GALNT13: variants seen among roughly 807,000 people sequenced by gnomAD.
GALNT13 encodes UDP-GalNAc:polypeptide N-acetylgalactosaminyltransferase 13.
GALNT13 carries 28 observed loss-of-function variants against 64.2 expected under a neutral mutation model. The ratio of observed to expected loss-of-function variants is 0.44; its 90% CI spans 0.32 to 0.60. The LOEUF (loss-of-function observed/expected upper bound fraction) is 0.60, where lower values mean the gene tolerates loss of function less well. Ranked by LOEUF, GALNT13 falls within the 20% of genes least tolerant of loss-of-function variation. The probability of loss-of-function intolerance (pLI) is 0.05; values close to 1 mark genes in which losing one functional copy is unlikely to be tolerated. For synonymous variants in GALNT13, 214 were observed against 224.6 expected (o/e 0.95, Z 0.42); for missense variants, 577 against 669.8 (o/e 0.86, Z 1.53).
the GALNT13 span, among the ~76,000 whole-genome samples, chr2:153,775,555 TTTTCTATAAAC>T: frequency 1.3e-5 from 2 of 152,146 alleles, no homozygotes; most frequent in African/African-American, 4.8e-5. Flanking sequence ...ATGACTGAAA[TTTTCTATAAAC>T]TTTCTTAATT....
the GALNT13 span, among the ~76,000 whole-genome samples, chr2:153,740,474 A>AT: frequency 6.6e-6 from 1 of 152,112 alleles, no homozygotes; most frequent in Non-Finnish European, 1.5e-5. Context: ...AATTGCAAGC[A>AT]TATTTCCTAT....
the GALNT13 span, among the ~76,000 whole-genome samples, chr2:153,078,603 G>T: frequency 3.9e-5 from 6 of 151,978 alleles, no homozygotes; most frequent in East Asian, 1.2e-3. Flanking sequence ...GAGCCATCAC[G>T]CCTGGCCTCA....
intron 10 of GALNT13, 95 bp from the exon 11 acceptor site, chr2:154,408,889 C>T: frequency 1.4e-6 from 1 of 736,930 alleles, no homozygotes; most frequent in Middle Eastern, 2.4e-4. Context: ...TTGTATTATT[C>T]AGTTAACAAT....
At chr2:153,082,891 C>T in the GALNT13 span, among the ~76,000 whole-genome samples, 35 of 150,968 alleles carry the variant, frequency 2.3e-4, no homozygotes, top group African/African-American at 8.3e-4. Context: ...TGCAGTGGCA[C>T]AGTCTCGGCT....
At chr2:154,258,948 G>C in intron 7 of GALNT13, 73 bp from the exon 8 acceptor site, 1 of 758,184 alleles carries the variant, frequency 1.3e-6, no homozygotes, top group South Asian at 1.5e-5. Context: ...TCAAAAATAC[G>C]TGCTACAGTC....
At chr2:153,884,694 G>T (rs1033304547) in intron 1 of GALNT13, among the ~76,000 whole-genome samples, 4 of 149,736 alleles carry the variant, frequency 2.7e-5, no homozygotes, top group Admixed American at 2.0e-4. Flanking sequence ...TGAGGTGGGC[G>T]GATCATCTGA....
chr2:154,089,147 C>G (rs1244659222), intron 3 of GALNT13, among the ~76,000 whole-genome samples: 4 of 152,062 alleles, frequency 2.6e-5, no homozygotes, highest in African/African-American at 9.7e-5. Flanking sequence ...ACACTTTATT[C>G]CAAACAAGTG....
the GALNT13 span, among the ~76,000 whole-genome samples, chr2:153,166,139 C>T: frequency 6.6e-6 from 1 of 152,178 alleles, no homozygotes; most frequent in South Asian, 2.1e-4. Context: ...TACCCCACCA[C>T]CTGTGGCAGA....
chr2:154,300,132 C>T (rs1253796873), intron 8 of GALNT13, among the ~76,000 whole-genome samples: 92 of 105,584 alleles, frequency 8.7e-4, no homozygotes, highest in African/African-American at 3.2e-3. Flanking sequence ...TAGAGTTTCG[C>T]TTTTGTCACC....
At chr2:153,619,819 T>G in the GALNT13 span, among the ~76,000 whole-genome samples, 21 of 152,168 alleles carry the variant, frequency 1.4e-4, no homozygotes, top group South Asian at 4.1e-4. Context: ...CCAAACATTT[T>G]GGATCTCTAT....
chr2:154,265,002 G>T (rs540771457), intron 8 of GALNT13, among the ~76,000 whole-genome samples: 92 of 150,930 alleles, frequency 6.1e-4, no homozygotes, highest in African/African-American at 2.0e-3. Flanking sequence ...GAAAAGCAAT[G>T]AAACCAAAAT....
chr2:153,068,345 T>G, the GALNT13 span, among the ~76,000 whole-genome samples: 31 of 152,314 alleles, frequency 2.0e-4, no homozygotes, highest in Non-Finnish European at 3.7e-4. Context: ...TCTGCCTGCT[T>G]TCAGACCCAG....
chr2:154,072,930 G>T (rs1274029055), intron 3 of GALNT13, among the ~76,000 whole-genome samples: 5 of 151,988 alleles, frequency 3.3e-5, no homozygotes, highest in Non-Finnish European at 7.4e-5. Flanking sequence ...ATGACTTCAG[G>T]ATATTAATGT....
the GALNT13 span, among the ~76,000 whole-genome samples, chr2:153,800,485 T>C: frequency 6.6e-6 from 1 of 152,268 alleles, no homozygotes; most frequent in East Asian, 1.9e-4. Flanking sequence ...ATTGATGCTT[T>C]ATTTCATGAA....
chr2:153,762,772 G>C, the GALNT13 span: 1 of 151,082 alleles, frequency 6.6e-6, no homozygotes, highest in South Asian at 2.1e-4. Flanking sequence ...GTTCGGCCCG[G>C]TGAACTGAAG....
the GALNT13 span, among the ~76,000 whole-genome samples, chr2:153,436,986 T>C: frequency 1.5e-3 from 227 of 152,138 alleles, 7 homozygotes; most frequent in South Asian, 0.045. Context: ...TCCCTCTACA[T>C]ACTGCTTTGA....
chr2:154,301,303 G>C lies in GALNT13; in HGVS notation c.976-106G>C, dbSNP rs917193854. ...TGTACCAGTTCTAAATTTTGCATCA[G>C]ATATTTGCTTGAAACATGTAAAATA... On this transcript the variant is annotated intron_variant, in intron 8 of 12. Transcript: ENST00000392825. 3.1e-6 allele frequency: 3 copies of C among 966,188 alleles called. No homozygotes were observed. The Admixed American group carries it at 6.6e-5, about 21-fold the overall frequency. The allele number at this position is 966,188 out of a possible 1,614,324, so 59.9% of individuals were successfully genotyped here.
At chr2:154,222,456 T>G (rs1468140963) in intron 4 of GALNT13, among the ~76,000 whole-genome samples, 1 of 152,126 alleles carries the variant, frequency 6.6e-6, no homozygotes, top group Non-Finnish European at 1.5e-5. Flanking sequence ...TAAAACAAAG[T>G]ACCTTATATT....
chr2:153,194,722 G>A, the GALNT13 span, among the ~76,000 whole-genome samples: 1 of 152,154 alleles, frequency 6.6e-6, no homozygotes, highest in Admixed American at 6.5e-5. Context: ...TTGTGAATTG[G>A]TTTTTGTAGA....
Sources: allele counts gnomAD v4.1 joint callset (sites outside exome capture counted in the v4.1 genomes callset), GRCh38; gene constraint gnomAD v4.1.1; transcripts MANE v1.5; gene names NCBI Gene and HGNC (gene_info 2026-07-23, HGNC 2026-07-21).